DGKI: variants seen among roughly 807,000 people sequenced by gnomAD.
The protein encoded by DGKI is DAG kinase iota.
A neutral mutation model predicts 147.5 loss-of-function variants in DGKI; 55 were observed. That is an observed-to-expected ratio of 0.37 (90% CI 0.30 to 0.47). The LOEUF is 0.47. Ranked by LOEUF, DGKI falls within the 20% of genes least tolerant of loss-of-function variation. The pLI, the probability that DGKI is intolerant of heterozygous loss-of-function variation, is 1.00. For synonymous variants in DGKI, 469 were observed against 477.1 expected, an observed-to-expected ratio of 0.98 and a Z score of 0.22; for missense variants, 1,007 against 1,323.8, an observed-to-expected ratio of 0.76 and a Z score of 3.71.
chr7:137,836,919 G>A (rs889821043), intron 1 of DGKI, among the ~76,000 whole-genome samples: 1 of 152,078 alleles, frequency 6.6e-6, no homozygotes, highest in African/African-American at 2.4e-5. Flanking sequence ...GAAACACATG[G>A]GTCTCTCTCC....
At chr7:137,764,159 G>A (rs888991979) in intron 1 of DGKI, among the ~76,000 whole-genome samples, 3 of 152,076 alleles carry the variant, frequency 2.0e-5, no homozygotes, top group African/African-American at 7.2e-5. Flanking sequence ...TGTTGCCCTA[G>A]GACAGATCAT....
At chr7:137,395,498 T>G (rs7792568) in intron 32 of DGKI, 100 bp downstream of exon 32, 170,376 of 1,110,004 alleles carry the variant, frequency 0.15, 13,822 homozygotes, top group East Asian at 0.2. Flanking sequence ...GGCACTTCCA[T>G]AAGCACAGAA....
chr7:137,674,975 TG>T (rs1822980042), intron 3 of DGKI, among the ~76,000 whole-genome samples: 1 of 152,210 alleles, frequency 6.6e-6, no homozygotes, highest in Non-Finnish European at 1.5e-5. Flanking sequence ...TTTAGGAGCC[TG>T]CAGGTAGTAC....
At chr7:137,681,276 G>C (rs1823227042) in intron 2 of DGKI, among the ~76,000 whole-genome samples, 1 of 152,148 alleles carries the variant, frequency 6.6e-6, no homozygotes, top group Non-Finnish European at 1.5e-5. Flanking sequence ...ATTTTTTCAA[G>C]GAAGTCAATG....
In DGKI at chr7:137,821,013, C is replaced by T. The variant is rs529919669; in HGVS notation, c.401+25449G>A. On this transcript the variant is annotated intron_variant, in intron 1 of 32. Transcript: ENST00000614521. ...CCCCAGCTGCTGCCAATTTGCACCT[C>T]ATTAGCAACAGCCTCTCCCCAGTGA... is the stretch of plus-strand genomic sequence containing the variant. Among the ~76,000 whole-genome samples the T allele has an allele frequency of 1.1e-4, 16 of 152,302 alleles. No individual in the cohort carries two copies. The East Asian group carries it at 2.9e-3, about 28-fold the overall frequency.
At chr7:137,771,291 A>C (rs531530746) in intron 1 of DGKI, among the ~76,000 whole-genome samples, 1 of 152,066 alleles carries the variant, frequency 6.6e-6, no homozygotes, top group Non-Finnish European at 1.5e-5. Flanking sequence ...GGGTTTCGCC[A>C]TGTTGGCCAG....
At chr7:137,563,223 C>T (rs1477110362) in intron 19 of DGKI, among the ~76,000 whole-genome samples, 1 of 151,722 alleles carries the variant, frequency 6.6e-6, no homozygotes, top group East Asian at 1.9e-4. Context: ...TGATCAAAAG[C>T]TCTCAGGAAA....
intron 1 of DGKI, among the ~76,000 whole-genome samples, chr7:137,812,041 T>C (rs1797604771): frequency 6.6e-6 from 1 of 152,180 alleles, no homozygotes; most frequent in African/African-American, 2.4e-5. Context: ...ATTCTGAACT[T>C]TGGGGAAGTT....
intron 27 of DGKI, among the ~76,000 whole-genome samples, chr7:137,459,205 T>C (rs1287065329): frequency 6.6e-6 from 1 of 152,132 alleles, no homozygotes; most frequent in Non-Finnish European, 1.5e-5. Flanking sequence ...TCACTCTGCC[T>C]GAGAAAAAGG....
rs188278329 is a variant in DGKI at position 137,433,332 on chromosome 7, T to C, written c.2761+10745A>G. Among the ~76,000 whole-genome samples the C allele has an allele frequency of 9.8e-5, 15 of 152,304 alleles. No individual in the cohort carries two copies. In the East Asian group the frequency reaches 2.9e-3, roughly 29 times the overall value. On this transcript the variant is annotated intron_variant, in intron 28 of 32. Coordinates refer to ENST00000614521, the MANE Select transcript of DGKI (RefSeq NM_001321708.2). ...ACAACACATTCTAATATTTTGCAAC[T>C]GGTAATGATGATAAGATATGTTTAG... is the stretch of plus-strand genomic sequence containing the variant.
At chr7:137,562,599 T>C (rs1023118527) in intron 19 of DGKI, among the ~76,000 whole-genome samples, 1 of 152,092 alleles carries the variant, frequency 6.6e-6, no homozygotes, top group East Asian at 1.9e-4. Flanking sequence ...GATAGGTAAA[T>C]TGATAAAATT....
chr7:137,654,457 C>T (rs988119997), intron 5 of DGKI, among the ~76,000 whole-genome samples: 2 of 152,124 alleles, frequency 1.3e-5, no homozygotes, highest in Admixed American at 1.3e-4. Flanking sequence ...CTTTCTTACC[C>T]CTTCAATTCT....
At chr7:137,656,021 G>C (rs371456374) in intron 4 of DGKI, among the ~76,000 whole-genome samples, 7 of 152,180 alleles carry the variant, frequency 4.6e-5, no homozygotes, top group Admixed American at 2.6e-4. Context: ...AGTGAGAGCC[G>C]GCTTCCAGCG....
intron 1 of DGKI, among the ~76,000 whole-genome samples, chr7:137,763,552 T>C (rs998169347): frequency 1.1e-4 from 17 of 152,270 alleles, no homozygotes; most frequent in African/African-American, 3.4e-4. Context: ...ATGGAAATTA[T>C]GTCAGATTCT....
chr7:137,768,739 A>C (rs1796091777), intron 1 of DGKI, among the ~76,000 whole-genome samples: 1 of 152,096 alleles, frequency 6.6e-6, no homozygotes, highest in Admixed American at 6.6e-5. Context: ...CCTCCTCCAG[A>C]GCCAACATTC....
chr7:137,508,381 C>T (rs1254048162), intron 21 of DGKI, among the ~76,000 whole-genome samples: 2 of 151,914 alleles, frequency 1.3e-5, no homozygotes, highest in East Asian at 3.9e-4. Context: ...CACCCACCAC[C>T]ATGTCCAGCT....
chr7:137,618,313 T>C (rs1481373155), intron 8 of DGKI, among the ~76,000 whole-genome samples: 2 of 150,076 alleles, frequency 1.3e-5, no homozygotes, highest in African/African-American at 2.4e-5. Flanking sequence ...CCCTGCACTT[T>C]GGTCAAACTA....
intron 19 of DGKI, among the ~76,000 whole-genome samples, chr7:137,562,310 C>T (rs1452609974): frequency 2.0e-5 from 3 of 152,108 alleles, no homozygotes; most frequent in African/African-American, 7.2e-5. Context: ...CCAAGGTGGG[C>T]AGATCACCAG....
rs759261595 is a variant in DGKI at position 137,578,265 on chromosome 7, C to T, written c.1698+5G>A. ...TAGTAATTATGAAATAAAATGTATA[C>T]CTACCCCTGCATAGAACATTTTATT... is the stretch of plus-strand genomic sequence containing the variant. On this transcript the variant is annotated splice_donor_5th_base_variant and intron_variant, in intron 16 of 32. Transcript: ENST00000614521. 1 of 1,599,890 alleles carries T rather than the reference C, an allele frequency of 6.3e-7. No homozygotes were observed. The highest frequency in any genetic ancestry group is 1.3e-5 in the African/African-American group (1 of 74,736).
Sources: gnomAD v4.1 joint callset for allele counts (sites outside exome capture counted in the v4.1 genomes callset) on GRCh38, gnomAD v4.1.1 for gene constraint, MANE v1.5 for transcripts, NCBI Gene and HGNC (gene_info 2026-07-23, HGNC 2026-07-21) for gene names.